XKR6: variants seen among roughly 807,000 people sequenced by gnomAD.
XKR6 encodes XK related 6, also known as XK-related protein 6.
A neutral mutation model predicts 56.7 loss-of-function variants in XKR6; 22 were observed. The observed-to-expected ratio is 0.39, with a 90% CI of 0.28 to 0.55. The LOEUF (loss-of-function observed/expected upper bound fraction) is 0.55, where lower values mean the gene tolerates loss of function less well. Among genes scored for constraint, XKR6 ranks in the 20% least tolerant of loss-of-function variants. The pLI is 0.66. For missense variants in XKR6, 852 were observed against 889.0 expected (o/e 0.96, Z 0.53); for synonymous variants, 524 against 387.8 (o/e 1.35, Z -4.13).
chr8:11,141,444 G>A (rs1349276761), intron 1 of XKR6, among the ~76,000 whole-genome samples: 3 of 152,172 alleles, frequency 2.0e-5, no homozygotes, highest in Non-Finnish European at 4.4e-5. Context: ...ATGTGAAGCT[G>A]AAAGCCAGGA....
chr8:11,201,249 C>T lies in XKR6; in HGVS notation c.91G>A (p.Asp31Asn), dbSNP rs1462944992. ...DEAVGSGGEEDGEPGGGGCGG... is the reference protein window; with the variant it reads ...DEAVGSGGEENGEPGGGGCGG... ...CAGCCGCCTCCCCCGGGCTCCCCGT[C>T]CTCCTCGCCGCCGCTGCCCACCGCC... Residue 31 changes from aspartate to asparagine, a missense_variant, in exon 1 of 3, where the codon GAC becomes AAC. Coordinates refer to ENST00000416569, the MANE Select transcript of XKR6 (RefSeq NM_173683.4). 2 of 1,567,854 alleles carry T rather than the reference C, an allele frequency of 1.3e-6. No individual in the cohort carries two copies. The highest frequency in any genetic ancestry group is 1.7e-6 in the Non-Finnish European group (2 of 1,166,872).
At chr8:11,095,666 T>C (rs982494082) in intron 1 of XKR6, among the ~76,000 whole-genome samples, 1 of 152,226 alleles carries the variant, frequency 6.6e-6, no homozygotes, top group African/African-American at 2.4e-5. Flanking sequence ...TATATGTATA[T>C]ATCATGTGCA....
chr8:11,118,302 T>C (rs1225559999), intron 1 of XKR6, among the ~76,000 whole-genome samples: 2 of 152,254 alleles, frequency 1.3e-5, no homozygotes, highest in African/African-American at 2.4e-5. Context: ...GGCTTTGGTA[T>C]CTGGATGATG....
At chr8:11,078,226 C>T (rs1032892679) in intron 1 of XKR6, among the ~76,000 whole-genome samples, 2 of 152,198 alleles carry the variant, frequency 1.3e-5, no homozygotes, top group Admixed American at 6.5e-5. Context: ...GAAGAACTGA[C>T]ACTTATTGAA....
intron 1 of XKR6, chr8:11,125,850 C>G (rs892220912): frequency 1.3e-5 from 2 of 152,158 alleles, no homozygotes; most frequent in African/African-American, 4.8e-5. Context: ...ATGTTTAGTC[C>G]CAAGTACAAC....
At chr8:10,960,805 C>T (rs1436754096) in intron 1 of XKR6, among the ~76,000 whole-genome samples, 1 of 152,168 alleles carries the variant, frequency 6.6e-6, no homozygotes, top group Non-Finnish European at 1.5e-5. Flanking sequence ...GCACACACAG[C>T]GTAAGGGCCT....
intron 1 of XKR6, among the ~76,000 whole-genome samples, chr8:11,103,213 A>C (rs1370580770): frequency 1.3e-5 from 2 of 152,216 alleles, no homozygotes; most frequent in Admixed American, 6.5e-5. Flanking sequence ...GACAGAAACT[A>C]CAATTTGTTA....
chr8:11,180,451 C>A (rs565261004), intron 1 of XKR6, among the ~76,000 whole-genome samples: 1 of 152,242 alleles, frequency 6.6e-6, no homozygotes, highest in Non-Finnish European at 1.5e-5. Flanking sequence ...GCCAGTAGCA[C>A]CCCTCCAGCT....
At chr8:10,994,189 A>G (rs1232889336) in intron 1 of XKR6, among the ~76,000 whole-genome samples, 3 of 152,152 alleles carry the variant, frequency 2.0e-5, no homozygotes, top group African/African-American at 7.2e-5. Context: ...GGGGGCTCCT[A>G]AGAACTAAAC....
chr8:11,062,674 T>G, intron 1 of XKR6: 1 of 449,136 alleles, frequency 2.2e-6, no homozygotes, highest in South Asian at 1.6e-5. Context: ...CTCTTTAATG[T>G]GATCTGGTTT....
intron 2 of XKR6, among the ~76,000 whole-genome samples, chr8:10,920,121 C>G (rs1586306300): frequency 6.6e-6 from 1 of 152,190 alleles, no homozygotes; most frequent in Non-Finnish European, 1.5e-5. Flanking sequence ...AAGTGGTAGT[C>G]ATAGTGATCT....
intron 2 of XKR6, among the ~76,000 whole-genome samples, chr8:10,922,162 A>T (rs1331918050): frequency 6.6e-6 from 1 of 152,200 alleles, no homozygotes; most frequent in Non-Finnish European, 1.5e-5. Context: ...GCTCTTTATA[A>T]ATTATTCACT....
intron 1 of XKR6, among the ~76,000 whole-genome samples, chr8:11,011,411 C>T (rs900846170): frequency 2.0e-5 from 3 of 152,346 alleles, no homozygotes; most frequent in African/African-American, 7.2e-5. Flanking sequence ...GCGGACGAGG[C>T]TGGAAAGCAG....
At chr8:10,910,313 G>A (rs931280445) in intron 2 of XKR6, among the ~76,000 whole-genome samples, 1 of 151,980 alleles carries the variant, frequency 6.6e-6, no homozygotes, top group African/African-American at 2.4e-5. Flanking sequence ...ACTTGGCTGT[G>A]CCTAATAACT....
At chr8:11,107,471 C>G (rs1386558521) in intron 1 of XKR6, among the ~76,000 whole-genome samples, 1 of 152,126 alleles carries the variant, frequency 6.6e-6, no homozygotes, top group African/African-American at 2.4e-5. Flanking sequence ...AGGCGTGAGC[C>G]ACCACACCCA....
chr8:10,935,771 G>C (rs555244159), intron 1 of XKR6, among the ~76,000 whole-genome samples: 1 of 137,898 alleles, frequency 7.3e-6, no homozygotes, highest in Non-Finnish European at 1.6e-5. Context: ...GAGATAGTTT[G>C]TTATAATTTC....
At chr8:10,962,707 C>T (rs1802100507) in intron 1 of XKR6, among the ~76,000 whole-genome samples, 1 of 151,880 alleles carries the variant, frequency 6.6e-6, no homozygotes, top group South Asian at 2.1e-4. Flanking sequence ...CTCATTGCAA[C>T]CTCTGTCTCC....
At chr8:11,091,603 T>G (rs928196588) in intron 1 of XKR6, among the ~76,000 whole-genome samples, 11 of 152,074 alleles carry the variant, frequency 7.2e-5, no homozygotes, top group African/African-American at 2.7e-4. Context: ...GATGCAGGAA[T>G]AGGGGAGGAG....
intron 1 of XKR6, among the ~76,000 whole-genome samples, chr8:10,942,207 T>A (rs1475598165): frequency 6.6e-6 from 1 of 152,116 alleles, no homozygotes; most frequent in East Asian, 1.9e-4. Flanking sequence ...ATTCACAATA[T>A]GCATACACTT....
Sources: gnomAD v4.1 joint callset for allele counts (sites outside exome capture counted in the v4.1 genomes callset) on GRCh38, gnomAD v4.1.1 for gene constraint, MANE v1.5 for transcripts, NCBI Gene and HGNC (gene_info 2026-07-23, HGNC 2026-07-21) for gene names.